The following PSMB7 variants were observed in gnomAD, a reference collection of about 807,000 sequenced individuals.
PSMB7 encodes the protein proteasome 20S subunit beta 7, also known as proteasome subunit beta type-7.
In PSMB7, 5 loss-of-function variants were observed where a neutral mutation model predicts 28.1. The ratio of observed to expected loss-of-function variants is 0.18; its 90% CI spans 0.09 to 0.37. The LOEUF is 0.37. Among genes scored for constraint, PSMB7 ranks in the 10% least tolerant of loss-of-function variants. The pLI, the probability that PSMB7 is intolerant of heterozygous loss-of-function variation, is 1.00. For missense variants in PSMB7, 275 were observed against 346.2 expected (o/e 0.79, Z 1.63); for synonymous variants, 122 against 123.7 (o/e 0.99, Z 0.09).
chr9:124,403,397 T>C (rs762560393), intron 5 of PSMB7, among the ~76,000 whole-genome samples: 5 of 152,056 alleles, frequency 3.3e-5, no homozygotes, highest in Non-Finnish European at 7.4e-5. Context: ...TGGCAGAATA[T>C]GGCTGTAGTC....
At chr9:124,362,434 C>G (rs75569877) in intron 6 of PSMB7, among the ~76,000 whole-genome samples, 5,101 of 152,282 alleles carry the variant, frequency 0.033, 136 homozygotes, top group Non-Finnish European at 0.051. Context: ...CTGGGGGAAG[C>G]AAGAATGCGG....
intron 6 of PSMB7, among the ~76,000 whole-genome samples, chr9:124,373,250 A>G (rs1178487909): frequency 1.3e-5 from 2 of 152,262 alleles, no homozygotes; most frequent in African/African-American, 4.8e-5. Context: ...ACTGGTTAAT[A>G]GCACTATTAG....
chr9:124,367,174 G>T (rs1189345976), intron 6 of PSMB7, among the ~76,000 whole-genome samples: 1 of 152,176 alleles, frequency 6.6e-6, no homozygotes, highest in Non-Finnish European at 1.5e-5. Flanking sequence ...AGCAGATGTG[G>T]GTGAGGAGGA....
At chr9:124,401,802 C>T (rs896775526) in intron 5 of PSMB7, among the ~76,000 whole-genome samples, 2 of 152,090 alleles carry the variant, frequency 1.3e-5, no homozygotes, top group African/African-American at 4.8e-5. Context: ...CGGCAGATCA[C>T]GAGGTCAGGA....
chr9:124,385,550 C>A (rs1410283779), intron 5 of PSMB7, among the ~76,000 whole-genome samples: 1 of 152,192 alleles, frequency 6.6e-6, no homozygotes, highest in African/African-American at 2.4e-5. Context: ...GGATACTCCA[C>A]TTTTGGAGAG....
chr9:124,367,580 C>T (rs1426033578), intron 6 of PSMB7, among the ~76,000 whole-genome samples: 1 of 151,180 alleles, frequency 6.6e-6, no homozygotes. Context: ...TCATGGGGGG[C>T]GGGGGAGGCA....
intron 3 of PSMB7, 127 bp from the exon 4 acceptor site, chr9:124,412,619 G>T: frequency 1.1e-6 from 1 of 905,236 alleles, no homozygotes; most frequent in Non-Finnish European, 1.6e-6. Context: ...TATCTATGCT[G>T]TAACTTCTCT....
At chr9:124,380,967 T>C (rs1481675616) in intron 6 of PSMB7, among the ~76,000 whole-genome samples, 1 of 152,222 alleles carries the variant, frequency 6.6e-6, no homozygotes, top group East Asian at 1.9e-4. Flanking sequence ...TGATATTTTA[T>C]TAATATTTTT....
intron 6 of PSMB7, among the ~76,000 whole-genome samples, chr9:124,361,773 T>G (rs1830467056): frequency 6.6e-6 from 1 of 152,238 alleles, no homozygotes; most frequent in Non-Finnish European, 1.5e-5. Context: ...ACCTGTTATC[T>G]AGAGAGTTGC....
chr9:124,386,716 G>A (rs1259909906), intron 5 of PSMB7, among the ~76,000 whole-genome samples: 1 of 152,148 alleles, frequency 6.6e-6, no homozygotes, highest in African/African-American at 2.4e-5. Context: ...ACAACTTGTG[G>A]AAAACTGTAA....
intron 5 of PSMB7, chr9:124,398,548 T>C (rs1830864835): frequency 4.0e-6 from 1 of 247,634 alleles, no homozygotes; most frequent in Admixed American, 5.9e-5. Flanking sequence ...TATATGCATA[T>C]ATATAGTTTA....
intron 6 of PSMB7, among the ~76,000 whole-genome samples, chr9:124,381,207 T>C (rs1201068338): frequency 4.6e-5 from 7 of 152,216 alleles, no homozygotes; most frequent in East Asian, 1.9e-4. Flanking sequence ...AGGGAGGAAC[T>C]TGTATTCCAT....
intron 6 of PSMB7, among the ~76,000 whole-genome samples, chr9:124,366,718 G>A (rs1289497633): frequency 6.6e-6 from 1 of 152,224 alleles, no homozygotes; most frequent in Non-Finnish European, 1.5e-5. Flanking sequence ...AAGTGCCCTA[G>A]ACAGATACAC....
chr9:124,402,468 T>C (rs1447512594), intron 5 of PSMB7, among the ~76,000 whole-genome samples: 1 of 152,214 alleles, frequency 6.6e-6, no homozygotes, highest in African/African-American at 2.4e-5. Flanking sequence ...TTGATGACTT[T>C]ATCAAGGTGA....
At chr9:124,392,356 A>AG (rs2131167986) in intron 5 of PSMB7, among the ~76,000 whole-genome samples, 1 of 152,302 alleles carries the variant, frequency 6.6e-6, no homozygotes, top group South Asian at 2.1e-4. Flanking sequence ...GGCGCTCCCT[A>AG]GCTGGGCATA....
chr9:124,411,498 A>C (rs544110766), intron 4 of PSMB7, among the ~76,000 whole-genome samples: 140 of 152,330 alleles, frequency 9.2e-4, no homozygotes, highest in African/African-American at 3.3e-3. Flanking sequence ...AAAGGCAAAG[A>C]ATTTGTTAAA....
chr9:124,358,112 C>A (rs2131140647), intron 6 of PSMB7, among the ~76,000 whole-genome samples: 1 of 152,330 alleles, frequency 6.6e-6, no homozygotes, highest in African/African-American at 2.4e-5. Context: ...CATGCAAGTG[C>A]ACTCCAGCGC....
At chr9:124,406,497 C>CAAAAAAAAAAAAAAAAAAAAAAAAAAA (rs772524538) in intron 4 of PSMB7, among the ~76,000 whole-genome samples, 1 of 50,470 alleles carries the variant, frequency 2.0e-5, no homozygotes, top group South Asian at 6.9e-4. Flanking sequence ...AGAGTTGTCT[C>CAAAAAAAAAAAAAAAAAAAAAAAAAAA]AAAAAAAAAA....
intron 6 of PSMB7, among the ~76,000 whole-genome samples, chr9:124,378,058 A>G (rs1830631062): frequency 6.6e-6 from 1 of 152,246 alleles, no homozygotes; most frequent in South Asian, 2.1e-4. Flanking sequence ...CTTTAAGTTG[A>G]GCATCTTCAA....
Sources: gnomAD v4.1 joint callset for allele counts (sites outside exome capture counted in the v4.1 genomes callset) on GRCh38, gnomAD v4.1.1 for gene constraint, MANE v1.5 for transcripts, NCBI Gene and HGNC (gene_info 2026-07-23, HGNC 2026-07-21) for gene names.